The following SP110 variants were observed in gnomAD, a reference collection of about 807,000 sequenced individuals.
The protein encoded by SP110 is SP110 nuclear body protein, also known as interferon-induced protein 41, 30kD.
SP110 carries 62 observed loss-of-function variants against 92.7 expected under a neutral mutation model. The ratio of observed to expected loss-of-function variants is 0.67; its 90% CI spans 0.55 to 0.83. The LOEUF (loss-of-function observed/expected upper bound fraction) is 0.83, where lower values mean the gene tolerates loss of function less well. Among genes scored for constraint, SP110 ranks in the 40% least tolerant of loss-of-function variants. SP110 has a pLI of 0.00. For synonymous variants in SP110, 273 were observed against 305.3 expected, an observed-to-expected ratio of 0.89 and a Z score of 1.10; for missense variants, 793 against 863.9, an observed-to-expected ratio of 0.92 and a Z score of 1.03.
At chr2:230,206,940 AG>A (rs1228446165) in intron 8 of SP110, among the ~76,000 whole-genome samples, 8 of 152,112 alleles carry the variant, frequency 5.3e-5, no homozygotes, top group African/African-American at 1.7e-4. Flanking sequence ...TAAATCCTAA[AG>A]TACCAGGAAA....
chr2:230,196,362 T>TA (rs35737301), intron 10 of SP110, among the ~76,000 whole-genome samples: 2 of 152,002 alleles, frequency 1.3e-5, no homozygotes, highest in South Asian at 2.1e-4. Context: ...GCCATGCAGT[T>TA]AAAAAAATAG....
intron 10 of SP110, among the ~76,000 whole-genome samples, chr2:230,197,828 C>A (rs901368759): frequency 6.6e-6 from 1 of 152,076 alleles, no homozygotes; most frequent in Non-Finnish European, 1.5e-5. Flanking sequence ...TTTTCTTTTT[C>A]TTTGTTTTGA....
chr2:230,187,605 T>C lies in SP110; in HGVS notation c.1130-1462A>G, dbSNP rs61654395. Among the ~76,000 whole-genome samples, 1,146 of 152,288 alleles carry C rather than the reference T, an allele frequency of 7.5e-3. 10 individuals carry two copies. The highest frequency in any genetic ancestry group is 0.026 in the African/African-American group (1,079 of 41,576). Reference sequence around the variant, plus strand: ...GAAGAGTTTTTCCTAGGTTTTCTTATAGAATTTTTCTGGTTTCAGGTCTTA... The same window carrying C: ...GAAGAGTTTTTCCTAGGTTTTCTTACAGAATTTTTCTGGTTTCAGGTCTTA... On this transcript the variant is annotated intron_variant, in intron 10 of 18. Transcript: ENST00000258381.
chr2:230,211,164 C>T lies in SP110; in HGVS notation c.751+306G>A, dbSNP rs1044206399. Among the ~76,000 whole-genome samples, 8 of 152,180 alleles carry T rather than the reference C, an allele frequency of 5.3e-5. No homozygotes were observed. Among genetic ancestry groups the T allele is most frequent in the African/African-American group, 9.7e-5 (4 of 41,442 alleles). ...GGCAGGTGAATGTTTCCCTTTCAGG[C>T]GCTTTGTGGCATTTGGAGTCCAAAC... On this transcript the variant is annotated intron_variant, in intron 6 of 18. Coordinates refer to ENST00000258381, the MANE Select transcript of SP110 (RefSeq NM_080424.4). This position sits in a 1 kb window ranked among gnomAD's most constrained non-coding sequence, Gnocchi z 4.2.
At chr2:230,199,708 A>T (rs895564183) in intron 10 of SP110, among the ~76,000 whole-genome samples, 6 of 152,162 alleles carry the variant, frequency 3.9e-5, no homozygotes, top group African/African-American at 1.4e-4. Flanking sequence ...TCTTCTTCAC[A>T]CTTATGCTCT....
intron 14 of SP110, chr2:230,176,778 T>C: frequency 6.3e-7 from 1 of 1,578,506 alleles, no homozygotes; most frequent in Non-Finnish European, 8.7e-7. Flanking sequence ...TTTTCTTTTG[T>C]AGATACTGGC....
chr2:230,190,287 C>T (rs564296422), intron 10 of SP110, among the ~76,000 whole-genome samples: 1 of 152,214 alleles, frequency 6.6e-6, no homozygotes, highest in South Asian at 2.1e-4. Flanking sequence ...TTTTGATTTG[C>T]AATTCTCTGA....
At chr2:230,222,488 G>T (rs6739987), upstream of SP110, among the ~76,000 whole-genome samples, 79 of 152,270 alleles carry the variant, frequency 5.2e-4, no homozygotes, top group African/African-American at 1.8e-3. Context: ...GGAGGTCAAA[G>T]CAGGAGGATC....
intron 11 of SP110, among the ~76,000 whole-genome samples, chr2:230,184,096 T>A (rs1172116525): frequency 6.6e-6 from 1 of 152,226 alleles, no homozygotes; most frequent in African/African-American, 2.4e-5. Flanking sequence ...AAGGGATGAT[T>A]CGCATCCCCG....
chr2:230,208,041 C>A lies in SP110; in HGVS notation c.848G>T (p.Cys283Phe), dbSNP rs754775004. 7 of 1,559,326 alleles carry A rather than the reference C, an allele frequency of 4.5e-6. No individual in the cohort carries two copies. In the Admixed American group the frequency reaches 1.0e-4, roughly 22 times the overall value. The change falls in exon 8 of 19, where the codon TGT (cysteine) becomes TTT (phenylalanine). Residue 283 changes from cysteine to phenylalanine, a missense_variant. Physicochemically the swap from Cys to Phe is radical, Grantham distance 205. Coordinates refer to ENST00000258381, the MANE Select transcript of SP110 (RefSeq NM_080424.4). Reference protein sequence around the residue: ...SDKKGKKRKRCIWSTPKRRHK... With the variant: ...SDKKGKKRKRFIWSTPKRRHK... ...TCTCCTTTTTGGAGTTGACCAGATA[C>A]ATCTTTTTCTTTTCTTTCCTAAAAA...
chr2:230,195,361 G>A (rs2042823612), intron 10 of SP110, among the ~76,000 whole-genome samples: 1 of 152,154 alleles, frequency 6.6e-6, no homozygotes, highest in African/African-American at 2.4e-5. Context: ...TGGGGACAGA[G>A]TCTTGTTCTG....
chr2:230,183,460 A>G (rs1268146986), intron 12 of SP110, 112 bp downstream of exon 12: 1 of 807,346 alleles, frequency 1.2e-6, no homozygotes, highest in Non-Finnish European at 2.2e-6. Flanking sequence ...GACGGTGGAG[A>G]ACAACTTTGG....
chr2:230,194,108 C>A (rs1269844205), intron 10 of SP110, among the ~76,000 whole-genome samples: 1 of 152,008 alleles, frequency 6.6e-6, no homozygotes, highest in Non-Finnish European at 1.5e-5. Flanking sequence ...CTAGGCCAAA[C>A]CCCAAGATTG....
Position 230,212,858 on chromosome 2 carries a change from G to T in SP110, c.486C>A (p.Ser162=), listed in dbSNP as rs1228083026. Residue 162 remains serine (S), a synonymous_variant, in exon 4 of 19, where the codon TCC becomes TCA. Coordinates refer to ENST00000258381, the MANE Select transcript of SP110 (RefSeq NM_080424.4). ...CAPRVSEPGT[S]SQQSDEILSE... ...TCAGGATCTCATCGCTTTGCTGGGAGGATGTTCCAGGCTCACTGACTCTTG... is the reference window on the plus strand; with the variant it reads ...TCAGGATCTCATCGCTTTGCTGGGATGATGTTCCAGGCTCACTGACTCTTG... 1 of 1,613,996 alleles carries T rather than the reference G, an allele frequency of 6.2e-7. No individual in the cohort carries two copies. Among genetic ancestry groups the T allele is most frequent in the Non-Finnish European group, 8.5e-7 (1 of 1,180,012 alleles).
At position 230,166,294 on chromosome 2, in the gene SP110, A is replaced by C. The variant is rs553796350; in HGVS notation, c.*2830T>G. 7.9e-5 allele frequency among the ~76,000 whole-genome samples: 12 copies of C among 152,334 alleles called. No individual in the cohort carries two copies. Among genetic ancestry groups the C allele is most frequent in the Non-Finnish European group, 1.5e-4 (10 of 68,032 alleles). ...ACCAACAGAATATCTTCATAGCCTGAAAACCGTAAAGAAAGCAGATAATGT... is the reference window on the plus strand; with the variant it reads ...ACCAACAGAATATCTTCATAGCCTGCAAACCGTAAAGAAAGCAGATAATGT... On this transcript the variant is annotated 3_prime_UTR_variant, in exon 19 of 19. Coordinates refer to ENST00000258381, the MANE Select transcript of SP110 (RefSeq NM_080424.4).
chr2:230,201,416 C>T (rs989434909), intron 9 of SP110, among the ~76,000 whole-genome samples: 5 of 152,204 alleles, frequency 3.3e-5, no homozygotes, highest in African/African-American at 1.2e-4. Flanking sequence ...TAAGACACAT[C>T]AAAGCAGTGT....
In SP110 at chr2:230,168,128, A is replaced by AAG. The variant is rs1553839451; in HGVS notation, c.*995_*996insCT. On this transcript the variant is annotated 3_prime_UTR_variant, in exon 19 of 19. Transcript: ENST00000258381. ...TGTCTCAAAAAAAAAAAAAAAAAAA[A>AAG]AAAAAGAAAAAGTGGGCAACTCAAG... 2.1e-5 allele frequency: 3 copies of AAG among 144,490 alleles called. No homozygotes were observed. The highest frequency in any genetic ancestry group is 3.1e-5 in the Non-Finnish European group (2 of 65,496). The allele number at this position is 144,490 out of a possible 1,614,324, so 9.0% of individuals were successfully genotyped here.
intron 10 of SP110, among the ~76,000 whole-genome samples, chr2:230,186,735 C>G (rs2042379211): frequency 6.6e-6 from 1 of 152,142 alleles, no homozygotes; most frequent in Non-Finnish European, 1.5e-5. Context: ...TAGCTCCCAC[C>G]TATAAGTGAG....
upstream of SP110, chr2:230,221,787 A>C: frequency 7.0e-7 from 1 of 1,428,038 alleles, no homozygotes; most frequent in Non-Finnish European, 9.5e-7. Context: ...CTTTAGATCT[A>C]TTCAGAGATA....
Sources: gnomAD v4.1 joint callset for allele counts (sites outside exome capture counted in the v4.1 genomes callset) on GRCh38, gnomAD v4.1.1 for gene constraint, Gnocchi (gnomAD v3.1) non-coding constraint, MANE v1.5 for transcripts, NCBI Gene and HGNC (gene_info 2026-07-23, HGNC 2026-07-21) for gene names.